The following RMDN2 variants were observed in gnomAD, a reference collection of about 807,000 sequenced individuals.
The protein encoded by RMDN2 is regulator of microtubule dynamics 2.
RMDN2 carries 61 observed loss-of-function variants against 52.8 expected under a neutral mutation model. That is an observed-to-expected ratio of 1.16 (90% confidence interval 0.94 to 1.43). The LOEUF (loss-of-function observed/expected upper bound fraction) is 1.43. RMDN2 is among the 40% of genes most tolerant of loss of function. The pLI is 0.00. For synonymous variants in RMDN2, 180 were observed against 153.1 expected (o/e 1.18, Z -1.30); for missense variants, 592 against 475.3 (o/e 1.25, Z -2.28).
intron 10 of RMDN2, among the ~76,000 whole-genome samples, chr2:38,007,374 G>A (rs957932457): frequency 1.3e-4 from 20 of 152,156 alleles, no homozygotes; most frequent in South Asian, 6.2e-4. Context: ...TTATTGCCTC[G>A]ATTTCAGAGC....
chr2:38,055,557 C>T (rs146097540), intron 10 of RMDN2, among the ~76,000 whole-genome samples: 1 of 152,246 alleles, frequency 6.6e-6, no homozygotes, highest in Admixed American at 6.5e-5. Flanking sequence ...ATGACCCCAT[C>T]AAGGACAAGA....
At chr2:37,939,778 G>C (rs192044432) in intron 2 of RMDN2, among the ~76,000 whole-genome samples, 170 of 152,264 alleles carry the variant, frequency 1.1e-3, no homozygotes, top group African/African-American at 3.8e-3. Context: ...GTGCATATGG[G>C]TGTCTTTGCA....
intron 2 of RMDN2, among the ~76,000 whole-genome samples, chr2:37,967,053 A>G (rs750124336): frequency 6.6e-6 from 1 of 152,170 alleles, no homozygotes; most frequent in Non-Finnish European, 1.5e-5. Flanking sequence ...AATAAGCCAA[A>G]TGGAGAGCTC....
intron 10 of RMDN2, chr2:38,066,747 G>T: frequency 2.0e-6 from 1 of 500,514 alleles, no homozygotes; most frequent in South Asian, 2.5e-5. Context: ...GCAAAAACTG[G>T]CCCCAATTAT....
rs1168218864 is a variant in RMDN2, at chr2:37,929,420, C to A, written c.143C>A (p.Thr48Lys). Reference protein sequence around the residue: ...KLPEFLSLGNTFNSITLQDEI... With the variant: ...KLPEFLSLGNKFNSITLQDEI... ...CCTGAATTTCTTTCTCTGGGTAATA[C>A]ATTTAATTCAATAACTTTGCAAGAT... is the stretch of plus-strand genomic sequence containing the variant. The change falls in exon 2 of 11, where the codon ACA becomes AAA. Residue 48 changes from threonine (T) to lysine (K), a missense_variant. Physicochemically the swap from Thr to Lys is moderately conservative, Grantham distance 78. Transcript: ENST00000354545. 1 of 1,551,338 alleles carries A rather than the reference C, an allele frequency of 6.4e-7. No individual in the cohort carries two copies. The highest frequency in any genetic ancestry group is 8.7e-7 in the Non-Finnish European group (1 of 1,146,758).
intron 2 of RMDN2, among the ~76,000 whole-genome samples, chr2:37,967,553 A>G (rs1170154703): frequency 6.6e-6 from 1 of 152,226 alleles, no homozygotes; most frequent in East Asian, 1.9e-4. Context: ...TTGCTTGTTG[A>G]CTTTCTAGAA....
chr2:37,999,007 G>A (rs1210358831), intron 8 of RMDN2, among the ~76,000 whole-genome samples: 2 of 152,110 alleles, frequency 1.3e-5, no homozygotes, highest in African/African-American at 4.8e-5. Flanking sequence ...TTATATAAAA[G>A]ATGCCACATT....
intron 2 of RMDN2, among the ~76,000 whole-genome samples, chr2:37,935,558 A>T (rs1667216213): frequency 1.3e-5 from 2 of 152,224 alleles, no homozygotes; most frequent in African/African-American, 4.8e-5. Flanking sequence ...CATCACGTAT[A>T]TAATTGAAGT....
At chr2:37,923,682 G>A (rs1572651578), upstream of RMDN2, among the ~76,000 whole-genome samples, 1 of 152,176 alleles carries the variant, frequency 6.6e-6, no homozygotes, top group East Asian at 1.9e-4. Context: ...TTTGTAGAAG[G>A]TAATATTTTA....
intron 10 of RMDN2, chr2:38,033,051 T>C (rs1680323691): frequency 6.6e-6 from 1 of 152,230 alleles, no homozygotes; most frequent in South Asian, 2.1e-4. Context: ...CTCCATGTTC[T>C]CGTTAACACT....
chr2:37,944,500 G>C (rs1318142764), intron 2 of RMDN2, among the ~76,000 whole-genome samples: 1 of 152,202 alleles, frequency 6.6e-6, no homozygotes, highest in Non-Finnish European at 1.5e-5. Context: ...ACAGGGTGTA[G>C]TTTGCCAACC....
At chr2:38,033,112 G>A (rs947403582) in intron 10 of RMDN2, 4 of 152,176 alleles carry the variant, frequency 2.6e-5, no homozygotes, top group Non-Finnish European at 4.4e-5. Context: ...CAGACATGTA[G>A]TAGTATCTCA....
intron 10 of RMDN2, among the ~76,000 whole-genome samples, chr2:38,061,542 G>C: frequency 6.6e-6 from 1 of 151,580 alleles, no homozygotes; most frequent in East Asian, 2.0e-4. Context: ...GATGTAAGAG[G>C]AAGCTTGTCC....
In RMDN2 at chr2:37,974,250, A is replaced by AT. The variant is rs776440519; in HGVS notation, c.627+42dup. The AT allele has an allele frequency of 6.6e-6, 9 of 1,358,008 alleles. No individual in the cohort carries two copies. In the African/African-American group the frequency reaches 9.0e-5, roughly 14 times the overall value. 84.1% of individuals were successfully genotyped at this position (1,358,008 alleles called of 1,614,324 possible). On this transcript the variant is annotated intron_variant, in intron 3 of 10. Coordinates refer to ENST00000354545, the MANE Select transcript of RMDN2 (RefSeq NM_001170791.3). Reference sequence around the variant, plus strand: ...TAACAATAGCACTTCGTATAGTTCCATTTTTTAATTTAATCTGCCATCTGT... The same window carrying AT: ...TAACAATAGCACTTCGTATAGTTCCATTTTTTTAATTTAATCTGCCATCTGT...
At chr2:37,986,367 A>G (rs1674019863) in intron 5 of RMDN2, among the ~76,000 whole-genome samples, 1 of 152,188 alleles carries the variant, frequency 6.6e-6, no homozygotes, top group Non-Finnish European at 1.5e-5. Context: ...GGTAAATTCT[A>G]CCAAATACTT....
chr2:38,044,161 A>G (rs1306258374), intron 10 of RMDN2, among the ~76,000 whole-genome samples: 1 of 152,032 alleles, frequency 6.6e-6, no homozygotes, highest in East Asian at 1.9e-4. Context: ...ATTTCACTGG[A>G]TACAGAATTC....
At chr2:37,981,417 TACTATTG>T (rs1266643278) in intron 5 of RMDN2, 74 bp downstream of exon 5, 5 of 931,884 alleles carry the variant, frequency 5.4e-6, no homozygotes, top group African/African-American at 1.6e-5. Context: ...TTTTTCAAAA[TACTATTG>T]ACTCATACGT....
chr2:37,988,511 C>T (rs1674339003), intron 5 of RMDN2, among the ~76,000 whole-genome samples: 1 of 152,082 alleles, frequency 6.6e-6, no homozygotes, highest in Admixed American at 6.5e-5. Flanking sequence ...ATTGGTTGTC[C>T]ATATGTGGTA....
At chr2:37,951,972 C>G (rs948179984) in intron 2 of RMDN2, 1 of 1,613,414 alleles carries the variant, frequency 6.2e-7, no homozygotes, top group South Asian at 1.1e-5. Flanking sequence ...TCATCCTCGT[C>G]CTGAAAGTTA....
Sources: gnomAD v4.1 joint callset for allele counts (sites outside exome capture counted in the v4.1 genomes callset) on GRCh38, gnomAD v4.1.1 for gene constraint, MANE v1.5 for transcripts, NCBI Gene and HGNC (gene_info 2026-07-23, HGNC 2026-07-21) for gene names.